DMD: variants seen among roughly 807,000 people sequenced by gnomAD.
DMD encodes the protein dystrophin.
Under a neutral mutation model 330.1 loss-of-function variants are expected in DMD, and 63 were observed. That is an observed-to-expected ratio of 0.19 (90% CI 0.16 to 0.24). The LOEUF is 0.24. DMD is among the 10% of genes least tolerant of loss of function. The probability of loss-of-function intolerance (pLI) is 1.00; values close to 1 mark genes in which losing one functional copy is unlikely to be tolerated. For missense variants in DMD, 3,344 were observed against 2,684.1 expected, an observed-to-expected ratio of 1.25 and a Z score of -5.43; for synonymous variants, 1,223 against 959.8, an observed-to-expected ratio of 1.27 and a Z score of -5.07.
At chrX:32,828,796 T>A (rs1264288854) in intron 4 of DMD, among the ~76,000 whole-genome samples, 2 of 111,372 alleles carry the variant, frequency 1.8e-5, no homozygotes, top group East Asian at 5.6e-4. Flanking sequence ...AAATTTTTGT[T>A]TTGTTTTTGA....
At chrX:32,008,591 T>C in intron 44 of DMD, among the ~76,000 whole-genome samples, 1 of 109,348 alleles carries the variant, frequency 9.1e-6, no homozygotes, top group Middle Eastern at 4.7e-3. Flanking sequence ...ATGGATAGAC[T>C]TGAAAGTTTT....
At chrX:32,460,234 C>T (rs909718106) in intron 25 of DMD, among the ~76,000 whole-genome samples, 2 of 110,683 alleles carry the variant, frequency 1.8e-5, no homozygotes, top group African/African-American at 3.3e-5. Flanking sequence ...ATTGTTGGCA[C>T]GGATGCAGAT....
At chrX:32,721,624 T>C (rs1157099130) in intron 7 of DMD, among the ~76,000 whole-genome samples, 1 of 111,242 alleles carries the variant, frequency 9.0e-6, no homozygotes, top group Admixed American at 9.6e-5. Context: ...GATATATGTT[T>C]TGCAAATATC....
intron 16 of DMD, among the ~76,000 whole-genome samples, chrX:32,549,928 T>C (rs2049357981): frequency 8.9e-6 from 1 of 112,607 alleles, no homozygotes; most frequent in South Asian, 3.6e-4. Flanking sequence ...AAAATACTTT[T>C]TTTCTACCAC....
chrX:32,171,229 A>C (rs2147350464), intron 44 of DMD, among the ~76,000 whole-genome samples: 1 of 111,960 alleles, frequency 8.9e-6, no homozygotes, highest in African/African-American at 3.2e-5. Context: ...TAGTTCATAC[A>C]TTATGATGCC....
intron 7 of DMD, among the ~76,000 whole-genome samples, chrX:32,768,051 TGTCA>T (rs1401092853): frequency 1.8e-5 from 2 of 112,272 alleles, no homozygotes; most frequent in Non-Finnish European, 3.8e-5. Context: ...AAAAATATTC[TGTCA>T]AAGTCAATTT....
At chrX:31,829,513 C>G (rs5927874) in intron 49 of DMD, among the ~76,000 whole-genome samples, 2 of 110,445 alleles carry the variant, frequency 1.8e-5, no homozygotes, top group East Asian at 2.8e-4. Context: ...GCTTTCTTGC[C>G]TCATATTTTT....
intron 9 of DMD, among the ~76,000 whole-genome samples, chrX:32,666,192 C>CT (rs962779294): frequency 2.7e-5 from 3 of 110,854 alleles, no homozygotes; most frequent in Non-Finnish European, 5.7e-5. Context: ...TCCTAGGTGT[C>CT]TTTTTTTATT....
intron 42 of DMD, among the ~76,000 whole-genome samples, chrX:32,301,784 G>C (rs2097524641): frequency 9.0e-6 from 1 of 110,788 alleles, no homozygotes; most frequent in Non-Finnish European, 1.9e-5. Context: ...TTTTGTCATG[G>C]TTCTGAACTC....
At chrX:32,761,820 T>C (rs1338343843) in intron 7 of DMD, among the ~76,000 whole-genome samples, 1 of 111,072 alleles carries the variant, frequency 9.0e-6, no homozygotes, top group Admixed American at 9.6e-5. Context: ...ATTAACAGTT[T>C]ATAACGTCTT....
intron 2 of DMD, among the ~76,000 whole-genome samples, chrX:32,850,776 G>A (rs1353115291): frequency 9.0e-6 from 1 of 111,568 alleles, no homozygotes; most frequent in East Asian, 2.8e-4. Flanking sequence ...CCCCTCATGA[G>A]GTAATTCCCA....
intron 4 of DMD, among the ~76,000 whole-genome samples, chrX:32,824,783 G>A (rs1466252967): frequency 8.9e-6 from 1 of 111,743 alleles, no homozygotes; most frequent in Non-Finnish European, 1.9e-5. Flanking sequence ...AGTAAAGCTG[G>A]GAAAATCTGA....
At chrX:33,008,921 T>C (rs1288279665) in intron 2 of DMD, among the ~76,000 whole-genome samples, 2 of 82,270 alleles carry the variant, frequency 2.4e-5, no homozygotes, top group South Asian at 5.6e-4. Context: ...TATATGTATA[T>C]ATACATGTAT....
At chrX:32,424,116 G>A (rs1253693432) in intron 29 of DMD, among the ~76,000 whole-genome samples, 1 of 110,483 alleles carries the variant, frequency 9.1e-6, no homozygotes, top group African/African-American at 3.3e-5. Flanking sequence ...ATATTATTAT[G>A]AGAACAAGTT....
chrX:31,645,574 A>T (rs1406882316), intron 54 of DMD, among the ~76,000 whole-genome samples: 6 of 112,511 alleles, frequency 5.3e-5, no homozygotes, highest in Non-Finnish European at 5.6e-5. Context: ...GCACTAGAGA[A>T]TACTATTCAG....
intron 9 of DMD, among the ~76,000 whole-genome samples, chrX:32,686,355 C>A (rs938486089): frequency 9.1e-6 from 1 of 109,583 alleles, no homozygotes; most frequent in African/African-American, 3.3e-5. Flanking sequence ...GTCAAGAGTT[C>A]GAGACCAGCC....
At chrX:32,833,086 T>A (rs1195950646) in intron 4 of DMD, among the ~76,000 whole-genome samples, 2 of 111,730 alleles carry the variant, frequency 1.8e-5, no homozygotes, top group Non-Finnish European at 3.8e-5. Context: ...GACCACTCAC[T>A]ATATGCCACG....
chrX:31,751,951 A>G (rs2088612315), intron 51 of DMD, among the ~76,000 whole-genome samples: 1 of 112,016 alleles, frequency 8.9e-6, no homozygotes, highest in Non-Finnish European at 1.9e-5. Context: ...ATTCTTTTCC[A>G]TGCCTTTTCC....
At chrX:31,182,966 G>A in intron 67 of DMD, 62 bp from the exon 68 acceptor site, 1 of 975,269 alleles carries the variant, frequency 1.0e-6, no homozygotes, top group Non-Finnish European at 1.4e-6. Flanking sequence ...AGGCAAGATG[G>A]CAAAGGAGGT....
Sources: allele counts gnomAD v4.1 joint callset (sites outside exome capture counted in the v4.1 genomes callset), GRCh38; gene constraint gnomAD v4.1.1; transcripts MANE v1.5; gene names NCBI Gene and HGNC (gene_info 2026-07-23, HGNC 2026-07-21).